Variants in PRKD1 observed in about 807,000 individuals in gnomAD.
PRKD1 encodes serine/threonine-protein kinase D1.
A neutral mutation model predicts 95.9 loss-of-function variants in PRKD1; 63 were observed. The observed-to-expected ratio is 0.66, with a 90% CI of 0.54 to 0.81. The LOEUF (loss-of-function observed/expected upper bound fraction) is 0.81, where lower values mean the gene tolerates loss of function less well. Ranked by LOEUF, PRKD1 falls within the 30% of genes least tolerant of loss-of-function variation. The pLI is 0.00. For synonymous variants in PRKD1, 425 were observed against 423.1 expected (o/e 1.00, Z -0.05); for missense variants, 1,048 against 1,165.3 (o/e 0.90, Z 1.47).
At chr14:29,815,403 T>G (rs2139254599) in intron 1 of PRKD1, among the ~76,000 whole-genome samples, 1 of 152,334 alleles carries the variant, frequency 6.6e-6, no homozygotes, top group Middle Eastern at 3.4e-3. Flanking sequence ...AGGGAAATTG[T>G]TGAGAGCAAG....
chr14:29,855,875 G>A (rs1938029437), intron 1 of PRKD1, among the ~76,000 whole-genome samples: 1 of 152,260 alleles, frequency 6.6e-6, no homozygotes, highest in African/African-American at 2.4e-5. Context: ...GACGTGACTT[G>A]TTCCTTCTTG....
chr14:29,913,137 G>A (rs1387862383), intron 1 of PRKD1, among the ~76,000 whole-genome samples: 1 of 152,116 alleles, frequency 6.6e-6, no homozygotes, highest in African/African-American at 2.4e-5. Flanking sequence ...AGAAACATTT[G>A]TTTCAAAGTG....
intron 2 of PRKD1, among the ~76,000 whole-genome samples, chr14:29,678,201 T>A (rs1160409734): frequency 6.6e-6 from 1 of 152,136 alleles, no homozygotes; most frequent in African/African-American, 2.4e-5. Context: ...TAAAACATCA[T>A]TAATTGCATG....
chr14:29,784,764 A>C (rs964486426), intron 1 of PRKD1, among the ~76,000 whole-genome samples: 1 of 152,220 alleles, frequency 6.6e-6, no homozygotes, highest in Non-Finnish European at 1.5e-5. Context: ...GCTACAAGAA[A>C]AAACACACCT....
chr14:29,775,361 G>A (rs1004557616), intron 1 of PRKD1, among the ~76,000 whole-genome samples: 12 of 152,202 alleles, frequency 7.9e-5, no homozygotes, highest in African/African-American at 1.7e-4. Flanking sequence ...CGCCTCACCC[G>A]GGAAAAGCAA....
chr14:29,764,371 C>T (rs1198049822), intron 1 of PRKD1, among the ~76,000 whole-genome samples: 1 of 152,036 alleles, frequency 6.6e-6, no homozygotes, highest in Non-Finnish European at 1.5e-5. Flanking sequence ...TAGGTCAATA[C>T]TGAAGGAAAA....
chr14:29,855,072 T>C (rs140599905), intron 1 of PRKD1, among the ~76,000 whole-genome samples: 44 of 152,296 alleles, frequency 2.9e-4, no homozygotes, highest in African/African-American at 8.9e-4. Context: ...TAGTGTAGTG[T>C]GGAAGGGAAA....
chr14:29,762,829 C>T (rs1482895980), intron 1 of PRKD1, among the ~76,000 whole-genome samples: 2 of 152,106 alleles, frequency 1.3e-5, no homozygotes, highest in Admixed American at 6.5e-5. Flanking sequence ...TTGCAACCTC[C>T]ACCTCCTGGG....
chr14:29,815,916 G>C (rs1594544063), intron 1 of PRKD1, among the ~76,000 whole-genome samples: 1 of 152,030 alleles, frequency 6.6e-6, no homozygotes, highest in East Asian at 1.9e-4. Flanking sequence ...GGAGCATTTT[G>C]ATAAACAACT....
intron 1 of PRKD1, chr14:29,751,253 C>T (rs572486823): frequency 2.0e-5 from 3 of 152,302 alleles, no homozygotes; most frequent in East Asian, 1.9e-4. Context: ...ATTTCCAATG[C>T]TTCTTTGAAA....
At chr14:29,743,245 T>C (rs1397197590) in intron 1 of PRKD1, among the ~76,000 whole-genome samples, 4 of 152,162 alleles carry the variant, frequency 2.6e-5, no homozygotes, top group African/African-American at 7.2e-5. Context: ...AAAATCTTTA[T>C]TGTATTCTAG....
intron 1 of PRKD1, among the ~76,000 whole-genome samples, chr14:29,754,140 T>G (rs1337688967): frequency 6.6e-6 from 1 of 152,190 alleles, no homozygotes; most frequent in African/African-American, 2.4e-5. Flanking sequence ...AGAGATGACA[T>G]GCCATAATTC....
chr14:29,826,840 C>CATATATATAT (rs1460691728), intron 1 of PRKD1, among the ~76,000 whole-genome samples: 2 of 15,450 alleles, frequency 1.3e-4, no homozygotes, highest in Admixed American at 9.3e-4. Context: ...TATATATATA[C>CATATATATAT]ACACATATAT....
At chr14:29,710,249 A>T (rs547224930) in intron 2 of PRKD1, among the ~76,000 whole-genome samples, 1 of 152,230 alleles carries the variant, frequency 6.6e-6, no homozygotes, top group Admixed American at 6.5e-5. Flanking sequence ...GGTGAGACAG[A>T]TTTAGTGACA....
At chr14:29,819,212 G>T (rs1022165602) in intron 1 of PRKD1, among the ~76,000 whole-genome samples, 11 of 152,086 alleles carry the variant, frequency 7.2e-5, no homozygotes, top group African/African-American at 2.7e-4. Context: ...GTAGGTTAAG[G>T]TACTTTATCA....
chr14:29,889,583 T>C (rs1371925574), intron 1 of PRKD1, among the ~76,000 whole-genome samples: 1 of 152,176 alleles, frequency 6.6e-6, no homozygotes, highest in Non-Finnish European at 1.5e-5. Flanking sequence ...GTTCATGTCC[T>C]TTGCAGGCAC....
intron 1 of PRKD1, among the ~76,000 whole-genome samples, chr14:29,758,948 T>C (rs1382563967): frequency 6.6e-6 from 1 of 152,246 alleles, no homozygotes; most frequent in Admixed American, 6.5e-5. Context: ...CTAGAGAGTT[T>C]CTATACTTAC....
chr14:29,771,030 T>A (rs982626250), intron 1 of PRKD1, among the ~76,000 whole-genome samples: 5 of 151,368 alleles, frequency 3.3e-5, no homozygotes, highest in African/African-American at 1.2e-4. Context: ...ACACAGCTCC[T>A]CTCTAAATAG....
At chr14:29,611,335 T>G (rs1445625275) in intron 13 of PRKD1, among the ~76,000 whole-genome samples, 1 of 152,176 alleles carries the variant, frequency 6.6e-6, no homozygotes, top group Non-Finnish European at 1.5e-5. Context: ...TTAAAATATC[T>G]CTTTAAATAA....
Sources: allele counts gnomAD v4.1 joint callset (sites outside exome capture counted in the v4.1 genomes callset), GRCh38; gene constraint gnomAD v4.1.1; transcripts MANE v1.5; gene names NCBI Gene and HGNC (gene_info 2026-07-23, HGNC 2026-07-21).